The following CTNNA3 variants were observed in gnomAD, a reference collection of about 807,000 sequenced individuals.
CTNNA3 encodes catenin alpha-3.
A neutral mutation model predicts 95.7 loss-of-function variants in CTNNA3; 76 were observed. The observed-to-expected ratio is 0.79, with a 90% confidence interval of 0.66 to 0.96. The LOEUF (loss-of-function observed/expected upper bound fraction) is 0.96, where lower values mean the gene tolerates loss of function less well. Ranked by LOEUF, CTNNA3 falls within the 40% of genes least tolerant of loss-of-function variation. CTNNA3 has a pLI of 0.00. For synonymous variants in CTNNA3, 431 were observed against 374.4 expected (o/e 1.15, Z -1.74); for missense variants, 1,191 against 1,089.8 (o/e 1.09, Z -1.31).
At chr10:67,613,635 C>G (rs1442062637) in intron 2 of CTNNA3, among the ~76,000 whole-genome samples, 1 of 151,916 alleles carries the variant, frequency 6.6e-6, no homozygotes, top group African/African-American at 2.4e-5. Context: ...TTTTGCCCCC[C>G]CCAACAAAGA....
At chr10:66,965,125 T>C (rs1849327671) in intron 7 of CTNNA3, among the ~76,000 whole-genome samples, 1 of 152,124 alleles carries the variant, frequency 6.6e-6, no homozygotes, top group Non-Finnish European at 1.5e-5. Context: ...CTGTTCTTTG[T>C]CCCATGCCAA....
At chr10:66,280,699 A>C (rs2091477635) in intron 12 of CTNNA3, 78 bp from the exon 13 acceptor site, 19 of 1,176,968 alleles carry the variant, frequency 1.6e-5, no homozygotes, top group Non-Finnish European at 2.2e-5. Flanking sequence ...GGAAATGTAG[A>C]ATTTGGTTTT....
intron 5 of CTNNA3, among the ~76,000 whole-genome samples, chr10:67,264,184 A>G (rs774368462): frequency 2.6e-5 from 4 of 152,152 alleles, no homozygotes; most frequent in Non-Finnish European, 1.5e-5. Context: ...TGATCCAGAT[A>G]GACCCATTTT....
intron 4 of CTNNA3, 116 bp downstream of exon 4, chr10:67,539,387 G>A (rs1840589629): frequency 1.9e-6 from 2 of 1,069,960 alleles, no homozygotes; most frequent in Non-Finnish European, 1.4e-6. Flanking sequence ...GCTTCTGAAG[G>A]GGTGATGTTA....
chr10:67,577,226 AC>A, intron 3 of CTNNA3, among the ~76,000 whole-genome samples: 1 of 151,912 alleles, frequency 6.6e-6, no homozygotes, highest in East Asian at 2.0e-4. Context: ...TTGTTTCCTG[AC>A]TTTTTAATGA....
chr10:66,545,873 C>A (rs899605193), intron 10 of CTNNA3, among the ~76,000 whole-genome samples: 4 of 151,422 alleles, frequency 2.6e-5, no homozygotes, highest in African/African-American at 9.7e-5. Context: ...TAGCTTCTGT[C>A]TTTGTATATT....
intron 16 of CTNNA3, among the ~76,000 whole-genome samples, chr10:65,977,003 A>G (rs2078219727): frequency 6.6e-6 from 1 of 152,198 alleles, no homozygotes; most frequent in African/African-American, 2.4e-5. Flanking sequence ...ATTAAATTTA[A>G]AAACATCGAA....
At chr10:67,482,730 T>C (rs1468676205) in intron 5 of CTNNA3, among the ~76,000 whole-genome samples, 11 of 152,176 alleles carry the variant, frequency 7.2e-5, no homozygotes, top group Admixed American at 7.2e-4. Context: ...CCTAATTGAA[T>C]ACCCTTTATT....
chr10:66,247,902 A>C (rs2090401949), intron 13 of CTNNA3, among the ~76,000 whole-genome samples: 1 of 152,204 alleles, frequency 6.6e-6, no homozygotes, highest in Non-Finnish European at 1.5e-5. Context: ...AATCATCTTA[A>C]GATACAAAAC....
chr10:66,636,214 A>T (rs1031756806), intron 9 of CTNNA3, among the ~76,000 whole-genome samples: 2 of 152,078 alleles, frequency 1.3e-5, no homozygotes, highest in Non-Finnish European at 2.9e-5. Flanking sequence ...ATAAAAATGA[A>T]GTATAGCTAA....
chr10:67,687,231 A>G (rs886936765), intron 1 of CTNNA3, among the ~76,000 whole-genome samples: 2 of 152,136 alleles, frequency 1.3e-5, no homozygotes, highest in Admixed American at 6.6e-5. Flanking sequence ...GAGGGTGATG[A>G]CATGAGCTGG....
chr10:66,220,619 C>T (rs1054917899), intron 13 of CTNNA3, among the ~76,000 whole-genome samples: 2 of 152,130 alleles, frequency 1.3e-5, no homozygotes, highest in Non-Finnish European at 1.5e-5. Context: ...AGAATCAGGC[C>T]GCACAAACGA....
intron 7 of CTNNA3, chr10:67,012,957 C>A (rs1284042380): frequency 6.6e-6 from 1 of 152,012 alleles, no homozygotes; most frequent in African/African-American, 2.4e-5. Flanking sequence ...TTTAAAAAAA[C>A]CAACACTTTT....
At chr10:67,729,725 A>G (rs1274756804) in intron 1 of CTNNA3, among the ~76,000 whole-genome samples, 1 of 152,138 alleles carries the variant, frequency 6.6e-6, no homozygotes, top group African/African-American at 2.4e-5. Context: ...AAGAATCAGT[A>G]TCAAGTTTTC....
At chr10:67,211,495 T>C (rs969897935) in intron 6 of CTNNA3, among the ~76,000 whole-genome samples, 2 of 152,150 alleles carry the variant, frequency 1.3e-5, no homozygotes, top group Non-Finnish European at 2.9e-5. Flanking sequence ...ATTGGGTAAA[T>C]ATTTATTAGA....
At chr10:66,377,158 C>T (rs191605082) in intron 12 of CTNNA3, among the ~76,000 whole-genome samples, 1 of 152,160 alleles carries the variant, frequency 6.6e-6, no homozygotes, top group Non-Finnish European at 1.5e-5. Context: ...TTCAAAGATA[C>T]ACCAAAATTT....
At chr10:67,558,651 C>T (rs906900941) in intron 3 of CTNNA3, among the ~76,000 whole-genome samples, 6 of 152,210 alleles carry the variant, frequency 3.9e-5, no homozygotes, top group Non-Finnish European at 1.5e-5. Context: ...ACAGTGGGTG[C>T]AGTGCACTGT....
intron 7 of CTNNA3, among the ~76,000 whole-genome samples, chr10:66,836,886 C>A (rs970165901): frequency 6.6e-6 from 1 of 152,008 alleles, no homozygotes. Flanking sequence ...CTTCCTTACC[C>A]CCACGTATCA....
At chr10:67,247,287 TAATA>T (rs1232097694) in intron 5 of CTNNA3, among the ~76,000 whole-genome samples, 3 of 152,166 alleles carry the variant, frequency 2.0e-5, no homozygotes, top group Non-Finnish European at 4.4e-5. Flanking sequence ...ACAGTAGAGC[TAATA>T]AATAAGATTG....
Sources: allele counts gnomAD v4.1 joint callset (sites outside exome capture counted in the v4.1 genomes callset), GRCh38; gene constraint gnomAD v4.1.1; transcripts MANE v1.5; gene names NCBI Gene and HGNC (gene_info 2026-07-23, HGNC 2026-07-21).